DLG2: variants seen among roughly 807,000 people sequenced by gnomAD.
The protein encoded by DLG2 is disks large homolog 2.
Under a neutral mutation model 132.5 loss-of-function variants are expected in DLG2, and 45 were observed. That is an observed-to-expected ratio of 0.34 (90% CI 0.27 to 0.44). DLG2 has a LOEUF of 0.44. DLG2 is among the 20% of genes least tolerant of loss of function. The pLI is 1.00. For synonymous variants in DLG2, 424 were observed against 419.6 expected (o/e 1.01, Z -0.13); for missense variants, 1,045 against 1,196.9 (o/e 0.87, Z 1.87).
chr11:84,221,493 A>G (rs1053079540), intron 8 of DLG2, among the ~76,000 whole-genome samples: 1 of 152,012 alleles, frequency 6.6e-6, no homozygotes, highest in Non-Finnish European at 1.5e-5. Context: ...ATTAAGAAGC[A>G]GCTATTCTCA....
At chr11:83,755,944 C>T (rs1289741187) in intron 18 of DLG2, among the ~76,000 whole-genome samples, 1 of 151,316 alleles carries the variant, frequency 6.6e-6, no homozygotes, top group Non-Finnish European at 1.5e-5. Context: ...GAGTTACACT[C>T]AAATAGTTGC....
intron 6 of DLG2, among the ~76,000 whole-genome samples, chr11:84,674,690 ACCT>A (rs1272840692): frequency 6.6e-6 from 1 of 152,058 alleles, no homozygotes; most frequent in Admixed American, 6.6e-5. Flanking sequence ...CCTCTCATTG[ACCT>A]CCTTTTAGTT....
intron 3 of DLG2, among the ~76,000 whole-genome samples, chr11:85,516,967 C>CA (rs989032304): frequency 9.3e-5 from 14 of 150,778 alleles, no homozygotes; most frequent in Admixed American, 1.3e-4. Flanking sequence ...AAAAACATAA[C>CA]AAAAAAAAGG....
intron 6 of DLG2, among the ~76,000 whole-genome samples, chr11:84,665,180 G>A (rs1280747583): frequency 6.6e-6 from 1 of 152,080 alleles, no homozygotes; most frequent in Non-Finnish European, 1.5e-5. Flanking sequence ...GAAATTTTAA[G>A]TATGTTTGTT....
At chr11:83,629,062 A>T in intron 19 of DLG2, among the ~76,000 whole-genome samples, 1 of 152,174 alleles carries the variant, frequency 6.6e-6, no homozygotes, top group East Asian at 1.9e-4. Context: ...TGGTTACCTC[A>T]TATCAGAGCT....
chr11:84,733,536 A>G (rs1284500242), intron 6 of DLG2, among the ~76,000 whole-genome samples: 1 of 152,186 alleles, frequency 6.6e-6, no homozygotes, highest in African/African-American at 2.4e-5. Flanking sequence ...TCTGGATATT[A>G]GTCCCTGGTC....
chr11:84,053,947 A>G lies in DLG2; in HGVS notation c.919+5368T>C, dbSNP rs190623655. ...AAGTATGTATCTATAGAGATATGAG[A>G]ATTTAAAAACATTTTAAAAAATAAT... On this transcript the variant is annotated intron_variant, in intron 11 of 27. Transcript: ENST00000376104. Among the ~76,000 whole-genome samples the G allele has an allele frequency of 2.6e-5, 4 of 151,754 alleles. No homozygotes were observed. In the South Asian group the frequency reaches 8.3e-4, roughly 32 times the overall value.
intron 6 of DLG2, among the ~76,000 whole-genome samples, chr11:84,554,743 T>C (rs2099408630): frequency 6.6e-6 from 1 of 152,004 alleles, no homozygotes; most frequent in Admixed American, 6.6e-5. Flanking sequence ...TGAAACTCTG[T>C]CTCAATAATA....
At chr11:85,054,146 C>A (rs920516876) in intron 6 of DLG2, among the ~76,000 whole-genome samples, 6 of 151,410 alleles carry the variant, frequency 4.0e-5, no homozygotes, top group Non-Finnish European at 7.4e-5. Context: ...ATGCCTGTAA[C>A]CCCAGATACT....
chr11:85,141,155 T>C (rs1285769318), intron 5 of DLG2, among the ~76,000 whole-genome samples: 1 of 151,824 alleles, frequency 6.6e-6, no homozygotes, highest in Non-Finnish European at 1.5e-5. Context: ...CTCCTCTCCA[T>C]AGTGGATGTA....
chr11:84,004,017 A>G (rs1454485921), intron 11 of DLG2, among the ~76,000 whole-genome samples: 1 of 152,058 alleles, frequency 6.6e-6, no homozygotes, highest in African/African-American at 2.4e-5. Context: ...CACACATAAA[A>G]AGAACTAAAA....
chr11:85,032,496 G>A (rs1455942833), intron 6 of DLG2, among the ~76,000 whole-genome samples: 2 of 152,138 alleles, frequency 1.3e-5, no homozygotes, highest in Non-Finnish European at 2.9e-5. Context: ...GTCTCTATTG[G>A]ATGGTCAGGT....
chr11:85,313,236 AC>A (rs1209815761), intron 3 of DLG2, among the ~76,000 whole-genome samples: 2 of 152,026 alleles, frequency 1.3e-5, no homozygotes, highest in Non-Finnish European at 2.9e-5. Context: ...CCAAAGAGTG[AC>A]CTTCAGAGCC....
chr11:85,160,830 T>C (rs1381347515), intron 4 of DLG2, among the ~76,000 whole-genome samples: 3 of 152,050 alleles, frequency 2.0e-5, no homozygotes, highest in Admixed American at 1.3e-4. Flanking sequence ...TGCACAATTA[T>C]GCAGGCACCA....
chr11:85,256,635 C>T (rs1038423910), intron 4 of DLG2, among the ~76,000 whole-genome samples: 2 of 152,172 alleles, frequency 1.3e-5, no homozygotes, highest in Non-Finnish European at 2.9e-5. Context: ...CTCCTGCACC[C>T]GCCCATCTGC....
intron 3 of DLG2, among the ~76,000 whole-genome samples, chr11:85,537,290 A>G (rs1202149308): frequency 6.6e-6 from 1 of 152,228 alleles, no homozygotes; most frequent in African/African-American, 2.4e-5. Context: ...GAATAAAAGC[A>G]GGCGACCAGA....
At chr11:84,231,855 T>C (rs1276074795) in intron 8 of DLG2, among the ~76,000 whole-genome samples, 3 of 152,074 alleles carry the variant, frequency 2.0e-5, no homozygotes, top group South Asian at 4.1e-4. Flanking sequence ...AGGAGAGTAG[T>C]AGACCAAGGG....
chr11:84,711,329 TAA>T (rs1491168598), intron 6 of DLG2, among the ~76,000 whole-genome samples: 1,075 of 42,294 alleles, frequency 0.025, 22 homozygotes, highest in African/African-American at 0.064. Flanking sequence ...ACAGAACCAG[TAA>T]GAGAGAGAGA....
intron 16 of DLG2, among the ~76,000 whole-genome samples, chr11:83,859,441 T>C (rs1295552628): frequency 6.6e-6 from 1 of 152,222 alleles, no homozygotes; most frequent in Non-Finnish European, 1.5e-5. Context: ...TGTTATGTTT[T>C]AGCAAAGAGA....
Sources: allele counts gnomAD v4.1 joint callset (sites outside exome capture counted in the v4.1 genomes callset), GRCh38; gene constraint gnomAD v4.1.1; transcripts MANE v1.5; gene names NCBI Gene and HGNC (gene_info 2026-07-23, HGNC 2026-07-21).